The following SPAG17 variants were observed in gnomAD, a reference collection of about 807,000 sequenced individuals.
The protein encoded by SPAG17 is sperm associated antigen 17.
SPAG17 carries 169 observed loss-of-function variants against 273.6 expected under a neutral mutation model. The observed-to-expected ratio is 0.62, with a 90% CI of 0.55 to 0.70. The LOEUF is 0.70. SPAG17 is among the 30% of genes least tolerant of loss of function. The pLI, the probability that SPAG17 is intolerant of heterozygous loss-of-function variation, is 0.00. For missense variants in SPAG17, 2,557 were observed against 2,627.8 expected, an observed-to-expected ratio of 0.97 and a Z score of 0.59; for synonymous variants, 825 against 873.2, an observed-to-expected ratio of 0.94 and a Z score of 0.97.
At chr1:117,996,872 G>T in intron 32 of SPAG17, 129 bp from the exon 33 acceptor site, 1 of 940,368 alleles carries the variant, frequency 1.1e-6, no homozygotes, top group Non-Finnish European at 1.6e-6. Flanking sequence ...TTATTTGCAA[G>T]GTATTGTTTA....
rs1230700415 is a variant in SPAG17, at chr1:117,990,847, T to A, written c.5521+14A>T. On this transcript the variant is annotated intron_variant, in intron 38 of 48. Coordinates refer to ENST00000336338, the MANE Select transcript of SPAG17 (RefSeq NM_206996.4). Reference sequence around the variant, plus strand: ...TTGTAAATATACTGCAGAAGAATATTAAATGCAACTTACCTTCAGTAACAT... The same window carrying A: ...TTGTAAATATACTGCAGAAGAATATAAAATGCAACTTACCTTCAGTAACAT... 6.5e-7 allele frequency: 1 copy of A among 1,541,640 alleles called. No individual in the cohort carries two copies. Among genetic ancestry groups the A allele is most frequent in the Non-Finnish European group, 8.9e-7 (1 of 1,128,174 alleles).
At chr1:118,137,185 A>C (rs146490863) in intron 3 of SPAG17, among the ~76,000 whole-genome samples, 1 of 152,204 alleles carries the variant, frequency 6.6e-6, no homozygotes, top group Admixed American at 6.5e-5. Context: ...ACTATGTGAC[A>C]TGTTATTAGA....
At chr1:118,112,424 T>A (rs927407313) in intron 4 of SPAG17, among the ~76,000 whole-genome samples, 2 of 152,072 alleles carry the variant, frequency 1.3e-5, no homozygotes, top group African/African-American at 4.8e-5. Flanking sequence ...GATAAATTAT[T>A]AACAGATAGA....
chr1:118,128,947 G>A (rs1657899432), intron 3 of SPAG17, among the ~76,000 whole-genome samples: 1 of 152,244 alleles, frequency 6.6e-6, no homozygotes, highest in South Asian at 2.1e-4. Context: ...TGGTTCAAGA[G>A]GTGCATGTGA....
At chr1:118,131,602 G>C (rs980124972) in intron 3 of SPAG17, among the ~76,000 whole-genome samples, 5 of 152,188 alleles carry the variant, frequency 3.3e-5, no homozygotes, top group African/African-American at 1.2e-4. Flanking sequence ...GAGCATAGTA[G>C]ATGATTAGAT....
At chr1:118,023,630 T>C (rs1464792460) in intron 27 of SPAG17, among the ~76,000 whole-genome samples, 167 bp from the exon 28 acceptor site, 1 of 152,132 alleles carries the variant, frequency 6.6e-6, no homozygotes, top group African/African-American at 2.4e-5. Context: ...AAAGGTAGAT[T>C]TGGAGTTCAG....
In SPAG17 at chr1:118,097,832, C is replaced by A. The variant is rs372167664; in HGVS notation, c.849G>T (p.Leu283Phe). The change falls in exon 7 of 49, where the codon TTG (leucine) becomes TTT (phenylalanine). Residue 283 changes from leucine (L) to phenylalanine (F), a missense_variant. Physicochemically the swap from Leu to Phe is conservative, Grantham distance 22 (BLOSUM62 0). Coordinates refer to ENST00000336338, the MANE Select transcript of SPAG17 (RefSeq NM_206996.4). ...GCTCTTTTATGGCATTTTCTTTCTT[C>A]AATTTTTCTGCTTCTAGATCTAATA... ...LQSEDLEAEKLKKENAIKELK... is the reference protein window; with the variant it reads ...LQSEDLEAEKFKKENAIKELK... 3.2e-6 allele frequency: 5 copies of A among 1,586,848 alleles called. No individual in the cohort carries two copies. In the African/African-American group the frequency reaches 4.1e-5, roughly 13 times the overall value.
chr1:118,034,489 C>T (rs956416264), intron 24 of SPAG17, among the ~76,000 whole-genome samples: 3 of 152,200 alleles, frequency 2.0e-5, no homozygotes, highest in Non-Finnish European at 2.9e-5. Flanking sequence ...AATTCTCACT[C>T]ACCTCCAAAG....
chr1:118,062,441 A>C (rs1416163587), intron 18 of SPAG17, among the ~76,000 whole-genome samples: 1 of 151,640 alleles, frequency 6.6e-6, no homozygotes, highest in Non-Finnish European at 1.5e-5. Context: ...ATATCTCATA[A>C]AATCTATATA....
At chr1:117,955,816 C>T (rs529990647) in intron 48 of SPAG17, among the ~76,000 whole-genome samples, 4 of 150,826 alleles carry the variant, frequency 2.7e-5, no homozygotes, top group African/African-American at 7.3e-5. Context: ...AATAATTACT[C>T]GATATTGCAT....
chr1:118,056,119 T>C (rs1210777031), intron 18 of SPAG17, among the ~76,000 whole-genome samples: 1 of 152,144 alleles, frequency 6.6e-6, no homozygotes, highest in African/African-American at 2.4e-5. Flanking sequence ...TAAAGACATG[T>C]AAATTTAAAA....
At chr1:118,140,123 G>A (rs1476738333) in intron 3 of SPAG17, among the ~76,000 whole-genome samples, 2 of 152,044 alleles carry the variant, frequency 1.3e-5, no homozygotes, top group Non-Finnish European at 2.9e-5. Context: ...CTTGACCTGA[G>A]ACTTCTCAGC....
At position 117,991,507 on chromosome 1, in the gene SPAG17, T is replaced by G. The variant is rs760421872; in HGVS notation, c.5383A>C (p.Lys1795Gln). The part of the protein sequence containing the change: ...SLKDYINYIL[K>Q]KEDELQEMMV... The stretch of plus-strand genomic sequence containing the variant: ...ATTTCCTGCAGCTCATCTTCTTTCT[T>G]TAGAATATAGTTTATGTAATCCTAA... The change falls in exon 37 of 49, where the codon AAG becomes CAG. Residue 1795 changes from lysine (K) to glutamine (Q), a missense_variant. Lys to Gln is a moderately conservative substitution (Grantham distance 53). Coordinates refer to ENST00000336338, the MANE Select transcript of SPAG17 (RefSeq NM_206996.4). 6.2e-7 allele frequency: 1 copy of G among 1,608,908 alleles called. No individual in the cohort carries two copies. The highest frequency in any genetic ancestry group is 8.5e-7 in the Non-Finnish European group (1 of 1,175,838).
intron 1 of SPAG17, among the ~76,000 whole-genome samples, chr1:118,169,310 A>G (rs1223579487): frequency 6.6e-6 from 1 of 152,134 alleles, no homozygotes; most frequent in Non-Finnish European, 1.5e-5. Flanking sequence ...CTTCCTAGCA[A>G]CTCAGTTGTT....
intron 3 of SPAG17, among the ~76,000 whole-genome samples, chr1:118,147,872 T>C (rs917525919): frequency 2.0e-5 from 3 of 152,220 alleles, no homozygotes; most frequent in African/African-American, 7.2e-5. Flanking sequence ...AAGTATACTA[T>C]ACAGAAGTCT....
intron 1 of SPAG17, among the ~76,000 whole-genome samples, chr1:118,175,367 G>A (rs1660643087): frequency 6.6e-6 from 1 of 151,994 alleles, no homozygotes; most frequent in Non-Finnish European, 1.5e-5. Flanking sequence ...AAAGCTGAGG[G>A]AGTTCATTGC....
chr1:118,028,507 A>G (rs1384233814), intron 25 of SPAG17, 113 bp from the exon 26 acceptor site: 1 of 1,329,932 alleles, frequency 7.5e-7, no homozygotes, highest in Admixed American at 2.4e-5. Context: ...GCACAGAGCT[A>G]GGTGGCCCCT....
intron 3 of SPAG17, among the ~76,000 whole-genome samples, chr1:118,122,233 C>A (rs1657465413): frequency 6.6e-6 from 1 of 151,988 alleles, no homozygotes; most frequent in Non-Finnish European, 1.5e-5. Flanking sequence ...CCCGATTCTG[C>A]ACATTTGATG....
intron 1 of SPAG17, among the ~76,000 whole-genome samples, chr1:118,170,877 C>A (rs1403293389): frequency 6.6e-6 from 1 of 152,150 alleles, no homozygotes; most frequent in Non-Finnish European, 1.5e-5. Context: ...TGGCTTTAGT[C>A]TGGAGCCAGA....
Sources: gnomAD v4.1 joint callset for allele counts (sites outside exome capture counted in the v4.1 genomes callset) on GRCh38, gnomAD v4.1.1 for gene constraint, MANE v1.5 for transcripts, NCBI Gene and HGNC (gene_info 2026-07-23, HGNC 2026-07-21) for gene names.